The following CAMTA1 variants were observed in gnomAD, a reference collection of about 807,000 sequenced individuals.
CAMTA1 encodes calmodulin-binding transcription activator 1.
CAMTA1 carries 27 observed loss-of-function variants against 170.9 expected under a neutral mutation model. The ratio of observed to expected loss-of-function variants is 0.16; its 90% CI spans 0.12 to 0.22. The LOEUF (loss-of-function observed/expected upper bound fraction) is 0.22, where lower values mean the gene tolerates loss of function less well. Among genes scored for constraint, CAMTA1 ranks in the 10% least tolerant of loss-of-function variants. CAMTA1 has a pLI of 1.00. For missense variants in CAMTA1, 1,619 were observed against 2,217.2 expected (o/e 0.73, Z 5.42); for synonymous variants, 833 against 891.5 (o/e 0.93, Z 1.17).
chr1:7,420,153 C>T (rs1169280572), intron 5 of CAMTA1, among the ~76,000 whole-genome samples: 1 of 152,128 alleles, frequency 6.6e-6, no homozygotes, highest in Non-Finnish European at 1.5e-5. Flanking sequence ...TGCTGTTCTC[C>T]ACGCGTGCCC....
At chr1:7,189,912 C>G (rs1460634795) in intron 4 of CAMTA1, among the ~76,000 whole-genome samples, 5 of 152,174 alleles carry the variant, frequency 3.3e-5, no homozygotes, top group Non-Finnish European at 5.9e-5. Context: ...GATAAAGAAA[C>G]TGTGGTGTGT....
At chr1:7,235,734 A>G (rs1663709180) in intron 4 of CAMTA1, among the ~76,000 whole-genome samples, 1 of 152,226 alleles carries the variant, frequency 6.6e-6, no homozygotes. Context: ...AGCAGGAGCA[A>G]TCACGGCCGT....
At chr1:7,571,405 G>A (rs951888650) in intron 6 of CAMTA1, among the ~76,000 whole-genome samples, 3 of 152,180 alleles carry the variant, frequency 2.0e-5, no homozygotes, top group Non-Finnish European at 4.4e-5. Context: ...TGTCACAGGG[G>A]TTTGGCCTAC....
At chr1:7,232,170 G>A (rs989525104) in intron 4 of CAMTA1, among the ~76,000 whole-genome samples, 3 of 152,180 alleles carry the variant, frequency 2.0e-5, no homozygotes, top group Non-Finnish European at 2.9e-5. Flanking sequence ...TCTCTGGCCT[G>A]TGTGGCTGGG....
At chr1:7,550,765 C>T (rs1403414722) in intron 6 of CAMTA1, among the ~76,000 whole-genome samples, 4 of 147,558 alleles carry the variant, frequency 2.7e-5, no homozygotes, top group Admixed American at 6.8e-5. Flanking sequence ...CCCTCCCACC[C>T]GGCCCTCTCC....
At chr1:7,219,613 T>C (rs1389225055) in intron 4 of CAMTA1, 1 of 142,506 alleles carries the variant, frequency 7.0e-6, no homozygotes, top group African/African-American at 2.6e-5. Context: ...TCTGTGTTTC[T>C]CCAGAATCCA....
chr1:7,526,214 G>A (rs1056309203), intron 6 of CAMTA1, among the ~76,000 whole-genome samples: 4 of 152,020 alleles, frequency 2.6e-5, no homozygotes, highest in African/African-American at 9.7e-5. Context: ...TTCCAGGGGT[G>A]AGAAGAAAGA....
chr1:6,967,359 G>C (rs1332848092), intron 3 of CAMTA1, among the ~76,000 whole-genome samples: 2 of 151,776 alleles, frequency 1.3e-5, no homozygotes, highest in Admixed American at 6.6e-5. Flanking sequence ...GTGAGATGGG[G>C]TGGGGTGGGG....
At chr1:7,229,029 G>A (rs535098342) in intron 4 of CAMTA1, among the ~76,000 whole-genome samples, 12 of 152,112 alleles carry the variant, frequency 7.9e-5, no homozygotes, top group Non-Finnish European at 1.6e-4. Context: ...AAGTGTGTGC[G>A]TCAGGACAGG....
At position 7,732,510 on chromosome 1, in the gene CAMTA1, A is replaced by T; in HGVS notation, c.2977A>T (p.Met993Leu). 6.2e-7 allele frequency: 1 copy of T among 1,613,978 alleles called. No homozygotes were observed. The highest frequency in any genetic ancestry group is 8.5e-7 in the Non-Finnish European group (1 of 1,180,022). ...GCAGATGGAGAGGAGGATGGCCGAGATGACGGGGTCCCAGCAGCACAAACA... is the reference window on the plus strand; with the variant it reads ...GCAGATGGAGAGGAGGATGGCCGAGTTGACGGGGTCCCAGCAGCACAAACA... ...LEQMERRMAE[M>L]TGSQQHKQAS... The change falls in exon 12 of 23, where the codon ATG becomes TTG. Residue 993 changes from methionine (M) to leucine (L), a missense_variant. By Grantham distance (15) the Met-to-Leu change is conservative. Around this residue, in one of 8 missense-constraint regions of CAMTA1, gnomAD observed 143 missense variants for 184.2 expected, o/e 0.78. Coordinates refer to ENST00000303635, the MANE Select transcript of CAMTA1 (RefSeq NM_015215.4). This position sits in a 1 kb window ranked among gnomAD's most constrained non-coding sequence, Gnocchi z 4.1.
chr1:7,741,247 G>A lies in CAMTA1; in HGVS notation c.4182+2765G>A, dbSNP rs559557010. ...CCACTCGTGATATAGATAGATGTGC[G>A]CTGGATAGGCTGAAATATGCTAGTT... is the stretch of plus-strand genomic sequence containing the variant. On this transcript the variant is annotated intron_variant, in intron 16 of 22. Transcript: ENST00000303635. Among the ~76,000 whole-genome samples the A allele has an allele frequency of 5.3e-5, 8 of 152,080 alleles. No homozygotes were observed. The South Asian group carries it at 6.2e-4, about 12-fold the overall frequency.
At chr1:7,586,844 T>A (rs770683037) in intron 6 of CAMTA1, among the ~76,000 whole-genome samples, 2 of 151,982 alleles carry the variant, frequency 1.3e-5, no homozygotes, top group African/African-American at 4.8e-5. Flanking sequence ...GCGGTGGAAC[T>A]GAGGTGCCCC....
chr1:7,288,659 G>A (rs1446516394), intron 5 of CAMTA1, among the ~76,000 whole-genome samples: 1 of 152,208 alleles, frequency 6.6e-6, no homozygotes, highest in Non-Finnish European at 1.5e-5. Flanking sequence ...AGCAACAGAA[G>A]CATACTGGGG....
chr1:7,712,923 T>C (rs764448614), intron 11 of CAMTA1, among the ~76,000 whole-genome samples: 3 of 152,172 alleles, frequency 2.0e-5, no homozygotes, highest in Non-Finnish European at 2.9e-5. Context: ...ATGAGTCTTA[T>C]TCACTATCAC....
At chr1:7,033,560 T>G (rs1186458636) in intron 3 of CAMTA1, among the ~76,000 whole-genome samples, 1 of 151,670 alleles carries the variant, frequency 6.6e-6, no homozygotes, top group Admixed American at 6.6e-5. Flanking sequence ...TATTGGGTAC[T>G]GTGTACATGT....
In CAMTA1 at chr1:7,609,133, A is replaced by T. The variant is rs1031273813; in HGVS notation, c.511-31267A>T. On this transcript the variant is annotated intron_variant, in intron 6 of 22. Coordinates refer to ENST00000303635, the MANE Select transcript of CAMTA1 (RefSeq NM_015215.4). The surrounding 1 kb of genome is among the most constrained non-coding windows in gnomAD (Gnocchi z 4.4). Reference sequence around the variant, plus strand: ...TCCCAGGACATTCTGGCCCCTTCCCACTACCGGCCTAGCCCTGCCGCCTGT... The same window carrying T: ...TCCCAGGACATTCTGGCCCCTTCCCTCTACCGGCCTAGCCCTGCCGCCTGT... Among the ~76,000 whole-genome samples the T allele has an allele frequency of 6.6e-6, 1 of 151,996 alleles. No individual in the cohort carries two copies. Among genetic ancestry groups the T allele is most frequent in the African/African-American group, 2.4e-5 (1 of 41,386 alleles).
intron 3 of CAMTA1, among the ~76,000 whole-genome samples, chr1:6,944,187 A>AG (rs1280785485): frequency 6.6e-6 from 1 of 152,180 alleles, no homozygotes; most frequent in Non-Finnish European, 1.5e-5. Flanking sequence ...TCCATGTTGT[A>AG]GCATGTGTCA....
chr1:7,645,230 G>C (rs1225758579), intron 7 of CAMTA1, among the ~76,000 whole-genome samples: 1 of 152,224 alleles, frequency 6.6e-6, no homozygotes, highest in Non-Finnish European at 1.5e-5. Flanking sequence ...AACTTGCTCA[G>C]TGATCTTGGG....
At chr1:7,713,632 G>C (rs1355831718) in intron 11 of CAMTA1, among the ~76,000 whole-genome samples, 1 of 152,138 alleles carries the variant, frequency 6.6e-6, no homozygotes, top group Non-Finnish European at 1.5e-5. Context: ...CTGATCAATA[G>C]CTCGTGGGAA....
Sources: gnomAD v4.1 joint callset for allele counts (sites outside exome capture counted in the v4.1 genomes callset) on GRCh38, gnomAD v4.1.1 for gene constraint, gnomAD v4.1.1 regional missense constraint, Gnocchi (gnomAD v3.1) non-coding constraint, MANE v1.5 for transcripts, NCBI Gene and HGNC (gene_info 2026-07-23, HGNC 2026-07-21) for gene names.